Variants in SLIT3 observed in about 807,000 individuals in gnomAD.
The protein encoded by SLIT3 is slit guidance ligand 3, also known as slit homolog 3 protein.
Under a neutral mutation model 184.0 loss-of-function variants are expected in SLIT3, and 68 were observed. The observed-to-expected ratio is 0.37, with a 90% CI of 0.30 to 0.45. The LOEUF (loss-of-function observed/expected upper bound fraction) is 0.45, where lower values mean the gene tolerates loss of function less well. Ranked by LOEUF, SLIT3 falls within the 20% of genes least tolerant of loss-of-function variation. SLIT3 has a pLI of 1.00. For missense variants in SLIT3, 1,707 were observed against 2,026.0 expected, an observed-to-expected ratio of 0.84 and a Z score of 3.02; for synonymous variants, 831 against 828.6, an observed-to-expected ratio of 1.00 and a Z score of -0.05.
At chr5:169,281,507 T>A (rs1437226975) in intron 1 of SLIT3, among the ~76,000 whole-genome samples, 1 of 152,226 alleles carries the variant, frequency 6.6e-6, no homozygotes, top group East Asian at 1.9e-4. Flanking sequence ...TGATCTCATC[T>A]GTCCAGTTCC....
chr5:169,009,834 G>T lies in SLIT3; in HGVS notation c.414-126498C>A, dbSNP rs540710397. 3.3e-5 allele frequency among the ~76,000 whole-genome samples: 5 copies of T among 152,300 alleles called. No homozygotes were observed. The South Asian group carries it at 1.0e-3, about 32-fold the overall frequency. ...GGGTATAATTAAATACATGCTAGAT[G>T]AACATAATTTTAATGATGGCTGGAA... On this transcript the variant is annotated intron_variant, in intron 4 of 35. Coordinates refer to ENST00000519560, the MANE Select transcript of SLIT3 (RefSeq NM_003062.4).
Position 168,669,721 on chromosome 5 carries a change from T to C in SLIT3, c.4336+62A>G, listed in dbSNP as rs922051747. ...ACAGCCAGAACTGGAACTGAGGTGA[T>C]CTGGATGTGAAGTCCAACTCTGACC... is the stretch of plus-strand genomic sequence containing the variant. On this transcript the variant is annotated intron_variant, in intron 35 of 35. Coordinates refer to ENST00000519560, the MANE Select transcript of SLIT3 (RefSeq NM_003062.4). 20 of 1,353,922 alleles carry C rather than the reference T, an allele frequency of 1.5e-5. No individual in the cohort carries two copies. The African/African-American group carries it at 2.7e-4, about 18-fold the overall frequency. The allele number at this position is 1,353,922 out of a possible 1,614,324, so 83.9% of individuals were successfully genotyped here.
intron 4 of SLIT3, among the ~76,000 whole-genome samples, chr5:169,096,973 G>A (rs910962278): frequency 5.9e-5 from 9 of 152,186 alleles, no homozygotes; most frequent in African/African-American, 2.2e-4. Flanking sequence ...AAGACAGCTA[G>A]TCCAACATTT....
intron 30 of SLIT3, among the ~76,000 whole-genome samples, chr5:168,686,524 A>G (rs1277884388): frequency 1.3e-5 from 2 of 152,248 alleles, no homozygotes; most frequent in African/African-American, 4.8e-5. Context: ...TAAAGCATCT[A>G]GAGTAGCCAA....
chr5:168,835,640 C>G (rs1411472953), intron 6 of SLIT3, among the ~76,000 whole-genome samples: 1 of 151,978 alleles, frequency 6.6e-6, no homozygotes, highest in East Asian at 1.9e-4. Flanking sequence ...GAAACCCCGT[C>G]TCTACTAAAA....
At chr5:169,116,541 G>C (rs1024690624) in intron 4 of SLIT3, among the ~76,000 whole-genome samples, 4 of 152,178 alleles carry the variant, frequency 2.6e-5, no homozygotes, top group African/African-American at 9.7e-5. Flanking sequence ...GTTAATGACA[G>C]GAAGAGGACA....
At chr5:168,675,059 A>C (rs1034387762) in intron 32 of SLIT3, among the ~76,000 whole-genome samples, 9 of 152,118 alleles carry the variant, frequency 5.9e-5, no homozygotes, top group Non-Finnish European at 1.3e-4. Flanking sequence ...TTGACTCCCA[A>C]ATTGTGCTCT....
At position 169,115,200 on chromosome 5, in the gene SLIT3, A is replaced by G. The variant is rs147725197; in HGVS notation, c.413+78279T>C. Among the ~76,000 whole-genome samples, 170 of 152,280 alleles carry G rather than the reference A, an allele frequency of 1.1e-3. 1 individual carries two copies. The highest frequency in any genetic ancestry group is 3.8e-3 in the African/African-American group (159 of 41,560). ...ACTTTCTCATCTCTGGTCTAGACTA[A>G]GTGGGTAAAGGGAGGCATATGAGCA... On this transcript the variant is annotated intron_variant, in intron 4 of 35. Transcript: ENST00000519560.
At chr5:168,866,584 C>G (rs1248246581) in intron 5 of SLIT3, among the ~76,000 whole-genome samples, 1 of 152,178 alleles carries the variant, frequency 6.6e-6, no homozygotes, top group Non-Finnish European at 1.5e-5. Flanking sequence ...GTGGAAGTTC[C>G]CCCACTTTTT....
At chr5:169,072,579 C>A (rs2113129704) in intron 4 of SLIT3, among the ~76,000 whole-genome samples, 1 of 152,332 alleles carries the variant, frequency 6.6e-6, no homozygotes, top group Admixed American at 6.5e-5. Flanking sequence ...AGCCACCATG[C>A]AAGTACTGGA....
chr5:168,727,885 A>C (rs1375018632), intron 20 of SLIT3, among the ~76,000 whole-genome samples: 1 of 152,112 alleles, frequency 6.6e-6, no homozygotes, highest in African/African-American at 2.4e-5. Context: ...CACCTGCAGG[A>C]AGTGTTCTGT....
intron 4 of SLIT3, among the ~76,000 whole-genome samples, chr5:168,973,565 CT>C (rs1305972499): frequency 6.6e-6 from 1 of 152,202 alleles, no homozygotes; most frequent in Non-Finnish European, 1.5e-5. Context: ...AAATTTTAAA[CT>C]GCCTTATTGA....
intron 14 of SLIT3, among the ~76,000 whole-genome samples, chr5:168,767,452 G>A (rs190428256): frequency 1.9e-3 from 286 of 152,222 alleles, no homozygotes; most frequent in African/African-American, 6.1e-3. Context: ...AGGTTTCCAC[G>A]TCCACACACA....
chr5:169,224,822 G>C (rs111935249), intron 3 of SLIT3, among the ~76,000 whole-genome samples: 1 of 152,070 alleles, frequency 6.6e-6, no homozygotes, highest in African/African-American at 2.4e-5. Context: ...GATAAGCTGG[G>C]ACTACAGGTG....
At chr5:169,276,016 G>C (rs80302245) in intron 1 of SLIT3, among the ~76,000 whole-genome samples, 10,300 of 152,216 alleles carry the variant, frequency 0.068, 539 homozygotes, top group Admixed American at 0.18. Flanking sequence ...TGTGTGGGCT[G>C]TGGGGTAGGA....
chr5:169,145,613 C>T (rs1761899528), intron 4 of SLIT3, among the ~76,000 whole-genome samples: 1 of 152,196 alleles, frequency 6.6e-6, no homozygotes, highest in Non-Finnish European at 1.5e-5. Flanking sequence ...GGCTAAGAAA[C>T]AGAGAGGGAT....
At chr5:169,084,289 C>CTTT (rs537953841) in intron 4 of SLIT3, among the ~76,000 whole-genome samples, 1 of 140,288 alleles carries the variant, frequency 7.1e-6, no homozygotes, top group Non-Finnish European at 1.6e-5. Context: ...TTTTTCTTTT[C>CTTT]TTTTTTTTTT....
intron 5 of SLIT3, among the ~76,000 whole-genome samples, chr5:168,860,120 C>T (rs1396915515): frequency 6.6e-6 from 1 of 152,042 alleles, no homozygotes; most frequent in Admixed American, 6.5e-5. Context: ...TTGTAAAATG[C>T]CACCGTTGAA....
intron 4 of SLIT3, among the ~76,000 whole-genome samples, chr5:169,181,196 C>T (rs1452607348): frequency 6.6e-6 from 1 of 152,184 alleles, no homozygotes; most frequent in Non-Finnish European, 1.5e-5. Context: ...ATGTCTTGCA[C>T]TAAAGTGAAA....
Sources: gnomAD v4.1 joint callset for allele counts (sites outside exome capture counted in the v4.1 genomes callset) on GRCh38, gnomAD v4.1.1 for gene constraint, MANE v1.5 for transcripts, NCBI Gene and HGNC (gene_info 2026-07-23, HGNC 2026-07-21) for gene names.